Variants in RABGAP1L observed in about 807,000 individuals in gnomAD.
RABGAP1L encodes the protein RAB GTPase activating protein 1 like, also known as rab GTPase-activating protein 1-like.
RABGAP1L carries 63 observed loss-of-function variants against 137.7 expected under a neutral mutation model. The ratio of observed to expected loss-of-function variants is 0.46; its 90% confidence interval spans 0.37 to 0.56. The LOEUF (loss-of-function observed/expected upper bound fraction) is 0.56, where lower values mean the gene tolerates loss of function less well. RABGAP1L is among the 20% of genes least tolerant of loss of function. RABGAP1L has a pLI of 0.00. For missense variants in RABGAP1L, 1,095 were observed against 1,244.0 expected, an observed-to-expected ratio of 0.88 and a Z score of 1.80; for synonymous variants, 431 against 433.7, an observed-to-expected ratio of 0.99 and a Z score of 0.08.
intron 4 of RABGAP1L, among the ~76,000 whole-genome samples, chr1:174,232,427 G>A (rs1220706453): frequency 1.3e-5 from 2 of 151,260 alleles, no homozygotes; most frequent in Non-Finnish European, 2.9e-5. Flanking sequence ...GGAGGTTGCG[G>A]TGAGCCGAGA....
At chr1:174,162,771 C>CTTTT (rs1664584682) in intron 1 of RABGAP1L, among the ~76,000 whole-genome samples, 1 of 40,792 alleles carries the variant, frequency 2.5e-5, no homozygotes, top group Non-Finnish European at 5.0e-5. Flanking sequence ...TTTTTTTTCT[C>CTTTT]TTTCTGTTTT....
At chr1:174,612,135 GT>G (rs1572506028) in intron 13 of RABGAP1L, among the ~76,000 whole-genome samples, 1 of 152,162 alleles carries the variant, frequency 6.6e-6, no homozygotes, top group Non-Finnish European at 1.5e-5. Flanking sequence ...TCTTGCACCT[GT>G]TTTCAAAGGG....
chr1:174,224,159 A>T (rs1450431888), intron 3 of RABGAP1L, among the ~76,000 whole-genome samples: 1 of 152,152 alleles, frequency 6.6e-6, no homozygotes. Flanking sequence ...AAAGGAAAAG[A>T]TAGTTGCATA....
At chr1:174,485,110 G>A (rs904028500) in intron 13 of RABGAP1L, among the ~76,000 whole-genome samples, 1 of 152,002 alleles carries the variant, frequency 6.6e-6, no homozygotes, top group Non-Finnish European at 1.5e-5. Flanking sequence ...TTTATTTGCA[G>A]CTATTGTAAA....
At chr1:174,196,570 T>C (rs1667708925) in intron 1 of RABGAP1L, among the ~76,000 whole-genome samples, 1 of 151,364 alleles carries the variant, frequency 6.6e-6, no homozygotes. Flanking sequence ...TTTTTAATCT[T>C]TTTTCTTTTT....
intron 19 of RABGAP1L, among the ~76,000 whole-genome samples, chr1:174,956,507 A>T (rs1472318867): frequency 6.6e-6 from 1 of 152,210 alleles, no homozygotes; most frequent in East Asian, 1.9e-4. Flanking sequence ...TAATTTTAGC[A>T]AGAAATAAAT....
intron 1 of RABGAP1L, among the ~76,000 whole-genome samples, chr1:174,171,472 T>C (rs1044747317): frequency 1.3e-5 from 2 of 152,160 alleles, no homozygotes; most frequent in Non-Finnish European, 2.9e-5. Flanking sequence ...TCTCCTTCTA[T>C]AATTTTTAAA....
chr1:174,305,873 G>C (rs1404394142), intron 11 of RABGAP1L, among the ~76,000 whole-genome samples: 1 of 151,840 alleles, frequency 6.6e-6, no homozygotes. Flanking sequence ...CCATTAACTC[G>C]TCATTTATAT....
chr1:174,302,944 TAATAAG>T (rs1290479149), intron 10 of RABGAP1L, among the ~76,000 whole-genome samples: 2 of 152,000 alleles, frequency 1.3e-5, no homozygotes, highest in Non-Finnish European at 2.9e-5. Flanking sequence ...AGTAACCAAA[TAATAAG>T]AATAACTATT....
rs148219630 is a variant in RABGAP1L, at chr1:174,682,271, ACTCT to A, written c.1825-1228_1825-1225del. 1.8e-3 allele frequency among the ~76,000 whole-genome samples: 247 copies of A among 140,712 alleles called. 1 individual carries two copies. The highest frequency in any genetic ancestry group is 4.3e-3 in the African/African-American group (161 of 37,540). 92.3% of individuals were successfully genotyped at this position (140,712 alleles called of 152,430 possible). A position where few individuals can be genotyped will look rare whatever the true frequency, so the allele number is the denominator to read the frequency against. On this transcript the variant is annotated intron_variant, in intron 14 of 25. Coordinates refer to ENST00000681986, the MANE Select transcript of RABGAP1L (RefSeq NM_001366446.1). ...ACTCCAGCCTGGGAGACAAAGCAAAACTCTCTCTCTCTCTCTCTCTCTCTCTATA... is the reference window on the plus strand; with the variant it reads ...ACTCCAGCCTGGGAGACAAAGCAAAACTCTCTCTCTCTCTCTCTCTCTATA...
intron 7 of RABGAP1L, 36 bp from the exon 8 acceptor site, chr1:174,272,378 A>T (rs1380623807): frequency 6.3e-7 from 1 of 1,595,602 alleles, no homozygotes; most frequent in Non-Finnish European, 8.5e-7. Context: ...TATTCTTGAT[A>T]CCTTATTTCT....
intron 19 of RABGAP1L, among the ~76,000 whole-genome samples, chr1:174,849,180 C>T (rs549086470): frequency 5.9e-5 from 9 of 152,146 alleles, no homozygotes; most frequent in Non-Finnish European, 1.2e-4. Context: ...GCAGAAATCA[C>T]CCGTCTTCTG....
intron 19 of RABGAP1L, among the ~76,000 whole-genome samples, chr1:174,939,630 A>T (rs1427835814): frequency 6.6e-6 from 1 of 152,160 alleles, no homozygotes; most frequent in Non-Finnish European, 1.5e-5. Flanking sequence ...CTTCTCAAAT[A>T]GTCTTATTCT....
At chr1:174,896,602 G>A (rs1246269751) in intron 19 of RABGAP1L, among the ~76,000 whole-genome samples, 2 of 152,124 alleles carry the variant, frequency 1.3e-5, no homozygotes, top group Admixed American at 6.5e-5. Context: ...AATCCATCTT[G>A]AATTAATTTT....
rs144225153 is a variant in RABGAP1L at position 174,778,868 on chromosome 1, A to G, written c.2211+26514A>G. 8.9e-3 allele frequency among the ~76,000 whole-genome samples: 1,361 copies of G among 152,268 alleles called. 21 individuals are homozygous for G. The highest frequency in any genetic ancestry group is 0.031 in the African/African-American group (1,305 of 41,550). On this transcript the variant is annotated intron_variant, in intron 18 of 25. Transcript: ENST00000681986. ...CTTAGCCTCCCAAAGTGCTGGGATT[A>G]CAGGAGTGAGCCACTGCACCCGGCC...
chr1:174,550,907 T>TAC (rs1666412369), intron 13 of RABGAP1L, among the ~76,000 whole-genome samples: 7 of 41,418 alleles, frequency 1.7e-4, no homozygotes, highest in Admixed American at 1.0e-3. Flanking sequence ...CACACACACA[T>TAC]ATACACACAC....
At position 174,219,260 on chromosome 1, in the gene RABGAP1L, A is replaced by G. The variant is rs774029419; in HGVS notation, c.103A>G (p.Asn35Asp). 1.3e-6 allele frequency: 2 copies of G among 1,587,844 alleles called. No individual in the cohort carries two copies. Among genetic ancestry groups the G allele is most frequent in the East Asian group, 4.5e-5 (2 of 43,966 alleles). ...TTTGGTTCCTCAGTATGCAGATGAT[A>G]ATTCTACAAAACATGAAGAAAAACC... is the stretch of plus-strand genomic sequence containing the variant. ...FVLVPQYADD[N>D]STKHEEKPQL... Residue 35 changes from asparagine (N) to aspartate (D), a missense_variant, in exon 2 of 26, where the codon AAT becomes GAT. Asn to Asp is a conservative substitution (Grantham distance 23). Coordinates refer to ENST00000681986, the MANE Select transcript of RABGAP1L (RefSeq NM_001366446.1).
intron 13 of RABGAP1L, among the ~76,000 whole-genome samples, chr1:174,481,677 G>C (rs1659099618): frequency 1.3e-5 from 2 of 152,084 alleles, no homozygotes; most frequent in Admixed American, 1.3e-4. Flanking sequence ...CATCACTGTA[G>C]CTTCTGCAAT....
chr1:174,609,706 C>CA (rs1484900925), intron 13 of RABGAP1L, among the ~76,000 whole-genome samples: 2 of 152,100 alleles, frequency 1.3e-5, no homozygotes, highest in African/African-American at 4.8e-5. Flanking sequence ...GATTTAAAAA[C>CA]AAAATCTATT....
Sources: gnomAD v4.1 joint callset for allele counts (sites outside exome capture counted in the v4.1 genomes callset) on GRCh38, gnomAD v4.1.1 for gene constraint, MANE v1.5 for transcripts, NCBI Gene and HGNC (gene_info 2026-07-23, HGNC 2026-07-21) for gene names.